Variants in ATG3 observed in about 807,000 individuals in gnomAD.
The protein encoded by ATG3 is ubiquitin-like-conjugating enzyme ATG3.
Under a neutral mutation model 50.7 loss-of-function variants are expected in ATG3, and 25 were observed. The observed-to-expected ratio is 0.49, with a 90% confidence interval of 0.36 to 0.69. The LOEUF (loss-of-function observed/expected upper bound fraction) is 0.69, where lower values mean the gene tolerates loss of function less well. Ranked by LOEUF, ATG3 falls within the 30% of genes least tolerant of loss-of-function variation. The pLI is 0.00. For synonymous variants in ATG3, 119 were observed against 125.5 expected, an observed-to-expected ratio of 0.95 and a Z score of 0.34; for missense variants, 281 against 376.0, an observed-to-expected ratio of 0.75 and a Z score of 2.09.
intron 2 of ATG3, 59 bp downstream of exon 2, chr3:112,558,317 G>T: frequency 7.8e-7 from 1 of 1,279,570 alleles, no homozygotes; most frequent in Non-Finnish European, 1.1e-6. Flanking sequence ...AAGCAGAAAA[G>T]CCACCTAGTT....
chr3:112,548,272 A>C (rs1050840222), intron 5 of ATG3, among the ~76,000 whole-genome samples: 4 of 152,164 alleles, frequency 2.6e-5, no homozygotes, highest in Non-Finnish European at 5.9e-5. Flanking sequence ...GAATCGCTTG[A>C]ACCCGGGAGG....
At chr3:112,536,321 C>T in intron 10 of ATG3, 154 bp downstream of exon 10, 1 of 828,050 alleles carries the variant, frequency 1.2e-6, no homozygotes, top group East Asian at 2.9e-5. Flanking sequence ...TATATTTAAG[C>T]ACAAGAAAAT....
At chr3:112,540,844 G>A (rs1165848743) in intron 7 of ATG3, among the ~76,000 whole-genome samples, 3 of 152,084 alleles carry the variant, frequency 2.0e-5, no homozygotes, top group Non-Finnish European at 4.4e-5. Flanking sequence ...TAACAAAGAG[G>A]TCACCCTGGT....
At chr3:112,539,075 C>T (rs1198089338) in intron 7 of ATG3, among the ~76,000 whole-genome samples, 1 of 152,168 alleles carries the variant, frequency 6.6e-6, no homozygotes, top group East Asian at 1.9e-4. Flanking sequence ...CAGCATTCTA[C>T]TGTTTCTCAT....
chr3:112,553,180 G>A lies in ATG3; in HGVS notation c.164+100C>T, dbSNP rs553299734. The A allele has an allele frequency of 2.5e-5, 24 of 972,042 alleles. No individual in the cohort carries two copies. In the African/African-American group the frequency reaches 3.2e-4, roughly 13 times the overall value. The allele number at this position is 972,042 out of a possible 1,614,324, so 60.2% of individuals were successfully genotyped here. On this transcript the variant is annotated intron_variant, in intron 3 of 11. Transcript: ENST00000283290. Reference sequence around the variant, plus strand: ...AATCTGCTGGGGGGAAAGTTAAACTGGTCATTCTAATTTTCATCCATTAAC... The same window carrying A: ...AATCTGCTGGGGGGAAAGTTAAACTAGTCATTCTAATTTTCATCCATTAAC...
chr3:112,546,204 C>T (rs1933364074), intron 5 of ATG3, among the ~76,000 whole-genome samples: 3 of 152,152 alleles, frequency 2.0e-5, no homozygotes, highest in African/African-American at 7.2e-5. Context: ...TATATCTATA[C>T]CTATACCTAT....
intron 7 of ATG3, among the ~76,000 whole-genome samples, chr3:112,541,325 T>C (rs1422769696): frequency 6.6e-6 from 1 of 151,718 alleles, no homozygotes; most frequent in East Asian, 1.9e-4. Flanking sequence ...AGACGGCGGT[T>C]GCAGTGAGCA....
At chr3:112,539,025 T>G (rs1054870457) in intron 7 of ATG3, among the ~76,000 whole-genome samples, 1 of 152,178 alleles carries the variant, frequency 6.6e-6, no homozygotes, top group African/African-American at 2.4e-5. Flanking sequence ...TGACATCCAA[T>G]CCAGCAGCAA....
intron 1 of ATG3, among the ~76,000 whole-genome samples, chr3:112,560,190 T>C (rs1432282948): frequency 6.6e-6 from 1 of 152,252 alleles, no homozygotes; most frequent in Non-Finnish European, 1.5e-5. Context: ...AGTTGTACAA[T>C]GGTGTATTAT....
At chr3:112,560,886 T>G (rs1280338604) in intron 1 of ATG3, among the ~76,000 whole-genome samples, 1 of 152,186 alleles carries the variant, frequency 6.6e-6, no homozygotes, top group East Asian at 1.9e-4. Flanking sequence ...CTGAAAAGCT[T>G]GGGAAAAAGG....
intron 5 of ATG3, among the ~76,000 whole-genome samples, chr3:112,545,987 A>G (rs1933357818): frequency 6.6e-6 from 1 of 152,174 alleles, no homozygotes; most frequent in African/African-American, 2.4e-5. Context: ...TAAGAAAAAG[A>G]CTGAGGTCCT....
chr3:112,538,237 A>C, intron 7 of ATG3, 57 bp from the exon 8 acceptor site: 1 of 1,365,182 alleles, frequency 7.3e-7, no homozygotes, highest in Non-Finnish European at 1.0e-6. Context: ...AAATTCCCTA[A>C]ACCAATTTAA....
intron 8 of ATG3, 38 bp downstream of exon 8, chr3:112,538,108 C>A: frequency 6.8e-7 from 1 of 1,473,856 alleles, no homozygotes; most frequent in Admixed American, 2.0e-5. Context: ...CCAAGTTCAT[C>A]CATTAAAAAT....
intron 5 of ATG3, among the ~76,000 whole-genome samples, chr3:112,548,094 C>T (rs1004124806): frequency 9.9e-5 from 15 of 152,266 alleles, no homozygotes; most frequent in Non-Finnish European, 1.9e-4. Context: ...TGGCTCATGC[C>T]TGTAATCCTA....
chr3:112,557,418 G>C (rs1933718190), intron 2 of ATG3, among the ~76,000 whole-genome samples: 1 of 152,208 alleles, frequency 6.6e-6, no homozygotes, highest in Non-Finnish European at 1.5e-5. Flanking sequence ...AAGAGGTCGA[G>C]ACCATTCTGG....
chr3:112,556,583 A>T (rs1413874516), intron 2 of ATG3, among the ~76,000 whole-genome samples: 1 of 152,214 alleles, frequency 6.6e-6, no homozygotes, highest in Non-Finnish European at 1.5e-5. Flanking sequence ...TGGAATAGAA[A>T]GGGGGGAAAG....
intron 2 of ATG3, among the ~76,000 whole-genome samples, chr3:112,554,045 T>A (rs1377938400): frequency 6.6e-6 from 1 of 152,236 alleles, no homozygotes; most frequent in Non-Finnish European, 1.5e-5. Flanking sequence ...AAAAACCAGA[T>A]TCAGGGAGAT....
chr3:112,537,243 T>C (rs779349745), intron 9 of ATG3, among the ~76,000 whole-genome samples: 1 of 152,196 alleles, frequency 6.6e-6, no homozygotes, highest in Non-Finnish European at 1.5e-5. Context: ...CTTTATTTTC[T>C]TGTTTCCCAT....
At chr3:112,548,958 T>A (rs371189341) in intron 4 of ATG3, among the ~76,000 whole-genome samples, 2 of 152,372 alleles carry the variant, frequency 1.3e-5, no homozygotes, top group African/African-American at 4.8e-5. Flanking sequence ...CATAGTTCAA[T>A]TTCAGTCTAA....
Sources: gnomAD v4.1 joint callset for allele counts (sites outside exome capture counted in the v4.1 genomes callset) on GRCh38, gnomAD v4.1.1 for gene constraint, MANE v1.5 for transcripts, NCBI Gene and HGNC (gene_info 2026-07-23, HGNC 2026-07-21) for gene names.